CERCAM: variants seen among roughly 807,000 people sequenced by gnomAD.
The protein encoded by CERCAM is cerebral endothelial cell adhesion molecule.
CERCAM carries 59 observed loss-of-function variants against 66.0 expected under a neutral mutation model. That is an observed-to-expected ratio of 0.89 (90% CI 0.73 to 1.11). The LOEUF (loss-of-function observed/expected upper bound fraction) is 1.11, where lower values mean the gene tolerates loss of function less well. CERCAM is among the 50% of genes most tolerant of loss of function. The pLI is 0.00. For missense variants in CERCAM, 840 were observed against 828.3 expected (o/e 1.01, Z -0.17); for synonymous variants, 318 against 343.6 (o/e 0.93, Z 0.83).
Position 128,424,763 on chromosome 9 carries a change from CTCTT to C in CERCAM, c.766+151_766+154del, listed in dbSNP as rs1479282900. On this transcript the variant is annotated intron_variant, in intron 5 of 12. Transcript: ENST00000372838. ...TTGGGTCATGAGTTTTCTTTTCTCT[CTCTT>C]TTTTTTTTTTTTTGGTGTGATCTCG... 168 of 665,090 alleles carry C rather than the reference CTCTT, an allele frequency of 2.5e-4. No individual in the cohort carries two copies. The African/African-American group carries it at 2.6e-3, about 10-fold the overall frequency. The allele number at this position is 665,090 out of a possible 1,614,324, so 41.2% of individuals were successfully genotyped here.
chr9:128,419,972 G>A (rs1241615093), upstream of CERCAM, among the ~76,000 whole-genome samples: 3 of 151,884 alleles, frequency 2.0e-5, no homozygotes, highest in East Asian at 5.8e-4. Context: ...CCGGGTTCAA[G>A]CGATTCTCCT....
rs1588630336 is a variant in CERCAM, at chr9:128,434,706, T to C, written c.1535+93T>C. 11 of 1,279,734 alleles carry C rather than the reference T, an allele frequency of 8.6e-6. No individual in the cohort carries two copies. In the East Asian group the frequency reaches 2.7e-4, roughly 32 times the overall value. 79.3% of individuals were successfully genotyped at this position (1,279,734 alleles called of 1,614,324 possible). A position where few individuals can be genotyped will look rare whatever the true frequency, so the allele number is the denominator to read the frequency against. ...GCAGGAAGTCCCCTCACCTGGCAGA[T>C]GGGGAGACTGGGACTGGCAAGGCCA... On this transcript the variant is annotated intron_variant, in intron 11 of 12. Coordinates refer to ENST00000372838, the MANE Select transcript of CERCAM (RefSeq NM_016174.5). The surrounding 1 kb of genome is among the most constrained non-coding windows in gnomAD (Gnocchi z 4.5).
Position 128,428,842 on chromosome 9 carries a change from C to T in CERCAM, c.963+9C>T, listed in dbSNP as rs1394329707. On this transcript the variant is annotated intron_variant, in intron 7 of 12. Transcript: ENST00000372838. ...AGATAGGGTTTGACGAGGTAAGTCC[C>T]CCAGCCTGTGGGCTCGCTGTTAGGA... 6.2e-7 allele frequency: 1 copy of T among 1,613,952 alleles called. No homozygotes were observed. Among genetic ancestry groups the T allele is most frequent in the Non-Finnish European group, 8.5e-7 (1 of 1,179,928 alleles).
chr9:128,424,753 TC>T (rs1833800693), intron 5 of CERCAM, 139 bp downstream of exon 5: 2 of 726,900 alleles, frequency 2.8e-6, no homozygotes, highest in African/African-American at 3.6e-5. Flanking sequence ...TCATGAGTTT[TC>T]TTTTCTCTCT....
At chr9:128,421,220 G>T (rs145793323) in intron 1 of CERCAM, 146 bp downstream of exon 1, 10 of 1,236,414 alleles carry the variant, frequency 8.1e-6, no homozygotes, top group Non-Finnish European at 8.1e-6. Flanking sequence ...CTGCCAGCCC[G>T]AGCCGCCAGA....
At chr9:128,436,112 G>A (rs1277909948) in intron 12 of CERCAM, among the ~76,000 whole-genome samples, 1 of 152,192 alleles carries the variant, frequency 6.6e-6, no homozygotes, top group Non-Finnish European at 1.5e-5. Context: ...CTGGAGTGCA[G>A]TGGCGTGATT....
At chr9:128,419,251 C>G (rs1301969772), upstream of CERCAM, 2 of 152,292 alleles carry the variant, frequency 1.3e-5, no homozygotes, top group African/African-American at 4.8e-5. Context: ...CTCCAGGGTT[C>G]AGTGCGCACG....
chr9:128,429,640 C>T (rs1203235925), intron 8 of CERCAM, among the ~76,000 whole-genome samples: 1 of 151,588 alleles, frequency 6.6e-6, no homozygotes, highest in Non-Finnish European at 1.5e-5. Context: ...CCGTCTGTTG[C>T]CCTCCGTCTG....
In CERCAM at chr9:128,434,033, G is replaced by A. The variant is rs1221307266; in HGVS notation, c.1204-69G>A. The A allele has an allele frequency of 1.3e-6, 2 of 1,579,592 alleles. No homozygotes were observed. Among genetic ancestry groups the A allele is most frequent in the Non-Finnish European group, 1.7e-6 (2 of 1,161,724 alleles). On this transcript the variant is annotated intron_variant, in intron 9 of 12. Transcript: ENST00000372838. This position sits in a 1 kb window ranked among gnomAD's most constrained non-coding sequence, Gnocchi z 4.5. ...AACTGAGGCCAGGCAGAGGCTGTGA[G>A]CTTCAGCGTGGAGGGAGGGGGGTTG...
At chr9:128,433,531 TTGGCCA>T (rs1200024578) in intron 9 of CERCAM, among the ~76,000 whole-genome samples, 1 of 152,130 alleles carries the variant, frequency 6.6e-6, no homozygotes, top group Non-Finnish European at 1.5e-5. Flanking sequence ...GCTCCTGGTC[TTGGCCA>T]TGGCTGCTTT....
At position 128,428,986 on chromosome 9, in the gene CERCAM, G is replaced by T; in HGVS notation, c.1020G>T (p.Ser340=). 6.2e-7 allele frequency: 1 copy of T among 1,611,152 alleles called. No homozygotes were observed. Residue 340 remains serine (S), a synonymous_variant, in exon 8 of 13, where the codon TCG becomes TCT. Coordinates refer to ENST00000372838, the MANE Select transcript of CERCAM (RefSeq NM_016174.5). ...ACCGTCGGGAACGCATGCTCGCCTC[G>T]CTCTGGGAGATGGAGATCTCTGGGA... ...RPDRRERMLA[S]LWEMEISGRV...
At chr9:128,431,047 T>G in intron 8 of CERCAM, 124 bp from the exon 9 acceptor site, 1 of 1,193,714 alleles carries the variant, frequency 8.4e-7, no homozygotes, top group East Asian at 2.4e-5. Context: ...CACAAAGGAG[T>G]TACAAGGCAG....
chr9:128,434,691 C>T lies in CERCAM; in HGVS notation c.1535+78C>T, dbSNP rs1036939291. 1.4e-6 allele frequency: 2 copies of T among 1,413,176 alleles called. No individual in the cohort carries two copies. Among genetic ancestry groups the T allele is most frequent in the African/African-American group, 2.8e-5 (2 of 70,956 alleles). 87.5% of individuals were successfully genotyped at this position (1,413,176 alleles called of 1,614,324 possible). A position where few individuals can be genotyped will look rare whatever the true frequency, so the allele number is the denominator to read the frequency against. ...AACTCACCTCAGTCAGCAGGAAGTC[C>T]CCTCACCTGGCAGATGGGGAGACTG... On this transcript the variant is annotated intron_variant, in intron 11 of 12. Transcript: ENST00000372838. The surrounding 1 kb of genome is among the most constrained non-coding windows in gnomAD (Gnocchi z 4.5).
intron 5 of CERCAM, among the ~76,000 whole-genome samples, chr9:128,424,816 G>C (rs144388634): frequency 1.4e-5 from 2 of 147,456 alleles, no homozygotes; most frequent in Admixed American, 1.4e-4. Flanking sequence ...TCTGCCTCCC[G>C]GGTTCAAATG....
chr9:128,422,622 T>C (rs1833737056), intron 1 of CERCAM: 1 of 497,938 alleles, frequency 2.0e-6, no homozygotes, highest in African/African-American at 1.9e-5. Flanking sequence ...GCAGGACAGC[T>C]TAAGTTATAG....
rs778148109 is a variant in CERCAM at position 128,435,818 on chromosome 9, C to A, written c.1701C>A (p.Gly567=). 1.2e-6 allele frequency: 2 copies of A among 1,611,464 alleles called. No homozygotes were observed. Among genetic ancestry groups the A allele is most frequent in the Admixed American group, 1.7e-5 (1 of 59,890 alleles). ...GCGGCCGCCTCATCAGCTGGAGCGG[C>A]TCCCAAAAGACCCTGCGCAGCCCCC... ...DDSGRLISWS[G]SQKTLRSPRL... The change falls in exon 12 of 13, where the codon GGC becomes GGA. Residue 567 remains glycine, a synonymous_variant. Coordinates refer to ENST00000372838, the MANE Select transcript of CERCAM (RefSeq NM_016174.5).
At chr9:128,430,881 C>A (rs1055429334) in intron 8 of CERCAM, 19 of 256,818 alleles carry the variant, frequency 7.4e-5, no homozygotes, top group African/African-American at 3.8e-4. Flanking sequence ...ATTAGCTGGG[C>A]ACCTGTAATC....
intron 1 of CERCAM, 77 bp downstream of exon 1, chr9:128,421,151 T>C: frequency 1.7e-5 from 22 of 1,258,832 alleles, no homozygotes; most frequent in Non-Finnish European, 2.2e-5. Context: ...CCGGCGGCCC[T>C]GTCTGCTCGC....
chr9:128,427,432 G>A (rs1341977087), intron 5 of CERCAM, among the ~76,000 whole-genome samples: 5 of 151,316 alleles, frequency 3.3e-5, no homozygotes, highest in African/African-American at 1.2e-4. Context: ...TTTTTAATTG[G>A]CACTGTGTGC....
Sources: allele counts gnomAD v4.1 joint callset (sites outside exome capture counted in the v4.1 genomes callset), GRCh38; gene constraint gnomAD v4.1.1; non-coding constraint Gnocchi (gnomAD v3.1); transcripts MANE v1.5; gene names NCBI Gene and HGNC (gene_info 2026-07-23, HGNC 2026-07-21).